The following CRYBG2 variants were observed in gnomAD, a reference collection of about 807,000 sequenced individuals.
CRYBG2 encodes the protein crystallin beta-gamma domain containing 2.
In CRYBG2, 106 loss-of-function variants were observed where a neutral mutation model predicts 153.4. The observed-to-expected ratio is 0.69, with a 90% CI of 0.59 to 0.81. CRYBG2 has a LOEUF of 0.81. Ranked by LOEUF, CRYBG2 falls within the 30% of genes least tolerant of loss-of-function variation. The probability of loss-of-function intolerance (pLI) is 0.00; values close to 1 mark genes in which losing one functional copy is unlikely to be tolerated. For missense variants in CRYBG2, 1,996 were observed against 2,112.0 expected (o/e 0.95, Z 1.08); for synonymous variants, 851 against 877.8 (o/e 0.97, Z 0.54).
In CRYBG2 at chr1:26,332,618, T is replaced by A. The variant is rs536966264; in HGVS notation, c.4185-1000A>T. On this transcript the variant is annotated intron_variant, in intron 14 of 19. Coordinates refer to ENST00000308182, the MANE Select transcript of CRYBG2 (RefSeq NM_001039775.4). ...GCCTCCTGGGTTTAAGCAATTCTCC[T>A]GCATCAGCCTCCTGAGTAGCTGGGA... 3.3e-5 allele frequency among the ~76,000 whole-genome samples: 5 copies of A among 152,064 alleles called. 1 individual carries two copies. In the South Asian group the frequency reaches 1.0e-3, roughly 32 times the overall value.
chr1:26,337,622 C>G lies in CRYBG2; in HGVS notation c.3560G>C (p.Arg1187Pro). ...TGGCTGCTGAAGGTTGTAGATGTCT[C>G]GGCTCACTTCCCAGCTGCGGCCCTG... ...GFQGRSWEVS[R>P]DIYNLQQPED... Residue 1187 changes from arginine (R) to proline (P), a missense_variant, in exon 9 of 20, where the codon CGA becomes CCA. Coordinates refer to ENST00000308182, the MANE Select transcript of CRYBG2 (RefSeq NM_001039775.4). 1 of 1,613,148 alleles carries G rather than the reference C, an allele frequency of 6.2e-7. No homozygotes were observed. The highest frequency in any genetic ancestry group is 8.5e-7 in the Non-Finnish European group (1 of 1,179,934).
chr1:26,331,947 C>T (rs2074001324), intron 14 of CRYBG2, among the ~76,000 whole-genome samples: 2 of 152,156 alleles, frequency 1.3e-5, no homozygotes, highest in African/African-American at 4.8e-5. Flanking sequence ...CATTATGGCA[C>T]TTCTGCAATA....
chr1:26,335,959 T>C, intron 14 of CRYBG2, 136 bp downstream of exon 14: 1 of 655,254 alleles, frequency 1.5e-6, no homozygotes, highest in South Asian at 2.8e-5. Context: ...TAAAACCTTA[T>C]TTTGTTTTAA....
rs756650690 is a variant in CRYBG2, at chr1:26,346,370, G to T, written c.288C>A (p.Ile96=). 7.5e-6 allele frequency: 12 copies of T among 1,599,336 alleles called. No individual in the cohort carries two copies. The East Asian group carries it at 2.7e-4, about 36-fold the overall frequency. ...GAGGTGGTATGTACTTCTTGGAAAA[G>T]ATGGGTCCATGGCTCTGGAAGTTCT... ...GSKNFQSHGP[I]FSKKYIPPPK... The change falls in exon 2 of 20, where the codon ATC becomes ATA. Residue 96 remains isoleucine, a synonymous_variant. Transcript: ENST00000308182. This position sits in a 1 kb window ranked among gnomAD's most constrained non-coding sequence, Gnocchi z 4.9.
At chr1:26,342,451 G>A (rs2074142071) in intron 5 of CRYBG2, among the ~76,000 whole-genome samples, 1 of 152,202 alleles carries the variant, frequency 6.6e-6, no homozygotes, top group South Asian at 2.1e-4. Context: ...CCAGATTGGA[G>A]TGCAGTGGTG....
In CRYBG2 at chr1:26,331,535, C is replaced by T. The variant is rs569977739; in HGVS notation, c.4268G>A (p.Gly1423Asp). The stretch of plus-strand genomic sequence containing the variant: ...GCCCAGGACTGTGGAGGCGAGGCAG[C>T]CCATGGCCGTGAGAGTGGGGAACTC... ...EGEFPTLTAM[G>D]CLASTVLGSL... The change falls in exon 15 of 20, where the codon GGC becomes GAC. Residue 1423 changes from glycine (G) to aspartate (D), a missense_variant. Transcript: ENST00000308182. 1.2e-6 allele frequency: 2 copies of T among 1,614,052 alleles called. No individual in the cohort carries two copies. Among genetic ancestry groups the T allele is most frequent in the East Asian group, 4.5e-5 (2 of 44,884 alleles).
chr1:26,336,151 G>A lies in CRYBG2; in HGVS notation c.4128C>T (p.Asp1376=). ...FLGDHFSFED[D]QAALPASFRP... is the part of the protein sequence containing the mutation. ...GGAAGGAGGCGGGCAGAGCGGCCTGGTCATCTTCGAAAGAGAAGTGGTCGC... is the reference window on the plus strand; with the variant it reads ...GGAAGGAGGCGGGCAGAGCGGCCTGATCATCTTCGAAAGAGAAGTGGTCGC... Residue 1376 remains aspartate, a synonymous_variant, in exon 14 of 20, where the codon GAC becomes GAT. Coordinates refer to ENST00000308182, the MANE Select transcript of CRYBG2 (RefSeq NM_001039775.4). This position sits in a 1 kb window ranked among gnomAD's most constrained non-coding sequence, Gnocchi z 4.9. 6.5e-7 allele frequency: 1 copy of A among 1,542,718 alleles called. No individual in the cohort carries two copies. Among genetic ancestry groups the A allele is most frequent in the Non-Finnish European group, 8.8e-7 (1 of 1,140,230 alleles).
intron 1 of CRYBG2, among the ~76,000 whole-genome samples, chr1:26,353,020 C>T (rs1391597210): frequency 6.6e-6 from 1 of 152,116 alleles, no homozygotes; most frequent in Admixed American, 6.5e-5. Context: ...CACACAGCAA[C>T]CTCACTCAAC....
Position 26,344,486 on chromosome 1 carries a change from G to A in CRYBG2, c.2172C>T (p.Ala724=), listed in dbSNP as rs2074177979. The A allele has an allele frequency of 6.5e-7, 1 of 1,543,536 alleles. No individual in the cohort carries two copies. Residue 724 remains alanine (A), a synonymous_variant, in exon 2 of 20, where the codon GCC becomes GCT. Transcript: ENST00000308182. The part of the protein sequence containing the change: ...RVSPSPGGTP[A]PVPTGAEAST... Reference sequence around the variant, plus strand: ...TGGCCTCTGCTCCTGTTGGCACTGGGGCAGGGGTGCCTCCTGGGCTGGGGG... The same window carrying A: ...TGGCCTCTGCTCCTGTTGGCACTGGAGCAGGGGTGCCTCCTGGGCTGGGGG...
chr1:26,346,495 A>C lies in CRYBG2; in HGVS notation c.163T>G (p.Phe55Val). The C allele has an allele frequency of 6.2e-7, 1 of 1,612,630 alleles. No individual in the cohort carries two copies. ...AQMEAPQKEMFEFSRREEVEV... is the reference protein window; with the variant it reads ...AQMEAPQKEMVEFSRREEVEV... ...ACTTCCTCTCGACGGCTGAACTCAA[A>C]CATCTCCTTCTGCGGGGCTTCCATC... The change falls in exon 2 of 20, where the codon TTT becomes GTT. Residue 55 changes from phenylalanine to valine, a missense_variant. Phe to Val is a conservative substitution (Grantham distance 50). Transcript: ENST00000308182. The surrounding 1 kb of genome is among the most constrained non-coding windows in gnomAD (Gnocchi z 4.9).
intron 10 of CRYBG2, 123 bp downstream of exon 10, chr1:26,337,130 C>T: frequency 6.4e-7 from 1 of 1,555,782 alleles, no homozygotes; most frequent in Non-Finnish European, 8.7e-7. Context: ...AGAGGCTAGA[C>T]CTCTGGGAAC....
At chr1:26,352,404 A>C (rs1311041290) in intron 1 of CRYBG2, among the ~76,000 whole-genome samples, 1 of 152,166 alleles carries the variant, frequency 6.6e-6, no homozygotes, top group East Asian at 1.9e-4. Context: ...ACACACGTGC[A>C]CACATTCACA....
chr1:26,338,104 T>C (rs927447598), intron 7 of CRYBG2, 57 bp from the exon 8 acceptor site: 15 of 1,593,574 alleles, frequency 9.4e-6, no homozygotes, highest in Non-Finnish European at 1.2e-5. Flanking sequence ...CAGATGGGGC[T>C]GCGGATCTAG....
chr1:26,337,528 G>C lies in CRYBG2; in HGVS notation c.3644+10C>G, dbSNP rs1286650607. ...GTGATGAAATAGAAGGAAGGGTCCT[G>C]AGTTCTCACCAGCCTCCGAGAACTC... is the stretch of plus-strand genomic sequence containing the variant. On this transcript the variant is annotated intron_variant, in intron 9 of 19. Transcript: ENST00000308182. 8.1e-6 allele frequency: 13 copies of C among 1,611,428 alleles called. No homozygotes were observed. Among genetic ancestry groups the C allele is most frequent in the Non-Finnish European group, 1.1e-5 (13 of 1,179,890 alleles).
Position 26,336,078 on chromosome 1 carries a change from C to A in CRYBG2, c.4184+17G>T. 6.9e-7 allele frequency: 1 copy of A among 1,442,884 alleles called. No homozygotes were observed. The highest frequency in any genetic ancestry group is 2.5e-5 in the East Asian group (1 of 39,334). 89.4% of individuals were successfully genotyped at this position (1,442,884 alleles called of 1,614,324 possible). ...CTGCCCCAGCGCCCCCAGCCCTCCG[C>A]CCCTCCACGTTCTCACCTGCCGCCG... On this transcript the variant is annotated intron_variant, in intron 14 of 19. Transcript: ENST00000308182. This position sits in a 1 kb window ranked among gnomAD's most constrained non-coding sequence, Gnocchi z 4.9.
At chr1:26,341,864 GCCCTTCTTGGTCTCCCTGCCTCCAGGAT>G (rs1557713886) in intron 5 of CRYBG2, among the ~76,000 whole-genome samples, 3 of 152,142 alleles carry the variant, frequency 2.0e-5, no homozygotes, top group Non-Finnish European at 4.4e-5. Flanking sequence ...GGAAATCACA[GCCCTTCTTGGTCTCCCTGCCTCCAGGAT>G]CCCTCTTTTT....
chr1:26,344,216 G>C lies in CRYBG2; in HGVS notation c.2442C>G (p.Gly814=). The change falls in exon 2 of 20, where the codon GGC becomes GGG. Residue 814 remains glycine (G), a synonymous_variant. Transcript: ENST00000308182. ...EEDQLGPWVL[G]PGPQEVPSLE... is the part of the protein sequence containing the mutation. The stretch of plus-strand genomic sequence containing the variant: ...GTGAAGGCACCTCCTGGGGTCCGGG[G>C]CCCAGCACCCATGGCCCCAGCTGGT... The C allele has an allele frequency of 6.5e-7, 1 of 1,535,650 alleles. No individual in the cohort carries two copies. Among genetic ancestry groups the C allele is most frequent in the Non-Finnish European group, 8.7e-7 (1 of 1,146,534 alleles).
intron 14 of CRYBG2, among the ~76,000 whole-genome samples, chr1:26,334,925 AAAACAAACAAACAAAAC>A (rs1422705681): frequency 2.1e-5 from 3 of 145,916 alleles, no homozygotes; most frequent in African/African-American, 5.0e-5. Context: ...CCATCTCAAA[AAAACAAACAAACAAAAC>A]AAACAAACAA....
chr1:26,336,351 TG>T lies in CRYBG2; in HGVS notation c.4057del (p.His1353ThrfsTer158). ...PVLQVGEHDLHFVSKIQLFSR... is the reference protein window; with the variant it reads ...PVLQVGEHDLXFVSKIQLFSR... ...TCCCTGCCTTACCTTTGAGACGAAG[TG>T]CAGATCGTGCTCCCCGACCTGAAGG... On this transcript the variant is annotated frameshift_variant, in exon 13 of 20. Transcript: ENST00000308182. LOFTEE classifies it high-confidence loss of function. The surrounding 1 kb of genome is among the most constrained non-coding windows in gnomAD (Gnocchi z 4.9). The T allele has an allele frequency of 6.2e-7, 1 of 1,613,530 alleles. No individual in the cohort carries two copies. The highest frequency in any genetic ancestry group is 1.1e-5 in the South Asian group (1 of 90,904).
Sources: gnomAD v4.1 joint callset for allele counts (sites outside exome capture counted in the v4.1 genomes callset) on GRCh38, gnomAD v4.1.1 for gene constraint, Gnocchi (gnomAD v3.1) non-coding constraint, MANE v1.5 for transcripts, NCBI Gene and HGNC (gene_info 2026-07-23, HGNC 2026-07-21) for gene names.